PRDM11: variants seen among roughly 807,000 people sequenced by gnomAD.
PRDM11 encodes PR/SET domain 11, also known as PR domain-containing protein 11.
A neutral mutation model predicts 97.8 loss-of-function variants in PRDM11; 20 were observed. That is an observed-to-expected ratio of 0.20 (90% CI 0.14 to 0.30). The LOEUF (loss-of-function observed/expected upper bound fraction) is 0.30. PRDM11 is among the 10% of genes least tolerant of loss of function. PRDM11 has a pLI of 1.00. For synonymous variants in PRDM11, 599 were observed against 637.7 expected (o/e 0.94, Z 0.91); for missense variants, 1,139 against 1,555.2 (o/e 0.73, Z 4.50).
At chr11:45,178,736 G>T (rs1480710405) in intron 1 of PRDM11, among the ~76,000 whole-genome samples, 1 of 152,196 alleles carries the variant, frequency 6.6e-6, no homozygotes, top group Admixed American at 6.5e-5. Context: ...ATTGAAAGAG[G>T]TTCTCACTCT....
At chr11:45,147,395 G>A (rs1314516431) in intron 1 of PRDM11, 1 of 152,222 alleles carries the variant, frequency 6.6e-6, no homozygotes, top group Non-Finnish European at 1.5e-5. Flanking sequence ...GGGGTGCTCG[G>A]GGATGAAGGT....
intron 4 of PRDM11, among the ~76,000 whole-genome samples, chr11:45,202,155 C>T (rs1853352144): frequency 6.6e-6 from 1 of 151,946 alleles, no homozygotes; most frequent in Non-Finnish European, 1.5e-5. Context: ...CTCTTTTTCC[C>T]ATCATTCTTT....
intron 4 of PRDM11, among the ~76,000 whole-genome samples, chr11:45,200,455 G>A (rs1283420795): frequency 6.6e-6 from 1 of 152,228 alleles, no homozygotes; most frequent in Non-Finnish European, 1.5e-5. Flanking sequence ...GTGCTACAAG[G>A]TTGGTTTTTA....
In PRDM11 at chr11:45,232,825, G is replaced by C. The variant is rs1854423614; in HGVS notation, c.*4666G>C. On this transcript the variant is annotated 3_prime_UTR_variant, in exon 8 of 8. Coordinates refer to ENST00000683152, the MANE Select transcript of PRDM11 (RefSeq NM_001384648.1). ...GTGATATTTTTAAGGAGCCTTTCAG[G>C]CAATGTTTGCATGTTAGCCAGAGGG... is the stretch of plus-strand genomic sequence containing the variant. 1 of 152,274 alleles carries C rather than the reference G, an allele frequency of 6.6e-6. No individual in the cohort carries two copies. The highest frequency in any genetic ancestry group is 3.4e-3 in the Middle Eastern group (1 of 296). The allele number at this position is 152,274 out of a possible 1,614,324, so 9.4% of individuals were successfully genotyped here. A position where few individuals can be genotyped will look rare whatever the true frequency, so the allele number is the denominator to read the frequency against.
intron 4 of PRDM11, among the ~76,000 whole-genome samples, chr11:45,196,099 A>G (rs2135774707): frequency 6.6e-6 from 1 of 152,298 alleles, no homozygotes; most frequent in South Asian, 2.1e-4. Context: ...GCTGTTTTCC[A>G]AAGCAGCTGA....
chr11:45,175,042 A>G (rs1446336733), intron 1 of PRDM11, among the ~76,000 whole-genome samples: 1 of 152,192 alleles, frequency 6.6e-6, no homozygotes, highest in Non-Finnish European at 1.5e-5. Context: ...AGAGTTCCCC[A>G]TACACCCTGC....
Position 45,219,430 on chromosome 11 carries a change from A to G in PRDM11, c.555-140A>G, listed in dbSNP as rs1854048556. 2.6e-6 allele frequency: 2 copies of G among 780,860 alleles called. No individual in the cohort carries two copies. The highest frequency in any genetic ancestry group is 4.0e-6 in the Non-Finnish European group (2 of 494,488). 48.4% of individuals were successfully genotyped at this position (780,860 alleles called of 1,614,324 possible). A position where few individuals can be genotyped will look rare whatever the true frequency, so the allele number is the denominator to read the frequency against. The stretch of plus-strand genomic sequence containing the variant: ...CTGGTGCTGCTTCTCCGGACAGGGC[A>G]GCTGCTCTGCTGATGTTCACATGGG... On this transcript the variant is annotated intron_variant, in intron 5 of 7. Coordinates refer to ENST00000683152, the MANE Select transcript of PRDM11 (RefSeq NM_001384648.1). The surrounding 1 kb of genome is among the most constrained non-coding windows in gnomAD (Gnocchi z 4.2).
intron 5 of PRDM11, chr11:45,214,361 T>C (rs1853891579): frequency 6.6e-6 from 1 of 151,318 alleles, no homozygotes; most frequent in African/African-American, 2.4e-5. Flanking sequence ...CCAGCAGAAG[T>C]CCCCCAGCCA....
At chr11:45,210,271 C>G (rs919859512) in intron 5 of PRDM11, among the ~76,000 whole-genome samples, 1 of 152,242 alleles carries the variant, frequency 6.6e-6, no homozygotes, top group Non-Finnish European at 1.5e-5. Flanking sequence ...CCGCTCCCCA[C>G]CCCTCTTCTC....
intron 1 of PRDM11, among the ~76,000 whole-genome samples, chr11:45,125,227 T>C (rs944251024): frequency 4.8e-4 from 73 of 152,246 alleles, no homozygotes; most frequent in African/African-American, 1.7e-3. Flanking sequence ...GATTCTTCTC[T>C]CTTTTCTTCT....
intron 1 of PRDM11, among the ~76,000 whole-genome samples, chr11:45,139,194 C>G (rs574216134): frequency 6.6e-6 from 1 of 152,176 alleles, no homozygotes; most frequent in Admixed American, 6.5e-5. Flanking sequence ...GTCGGGGAAA[C>G]AAGCAGGCTC....
intron 5 of PRDM11, among the ~76,000 whole-genome samples, chr11:45,208,004 G>T (rs1853577111): frequency 6.6e-6 from 1 of 152,214 alleles, no homozygotes; most frequent in East Asian, 1.9e-4. Flanking sequence ...TCCAAAGCCA[G>T]AGCAGGAGCC....
At chr11:45,207,252 C>G (rs1320925415) in intron 5 of PRDM11, among the ~76,000 whole-genome samples, 1 of 152,194 alleles carries the variant, frequency 6.6e-6, no homozygotes, top group Non-Finnish European at 1.5e-5. Context: ...AGATGCTCTC[C>G]TTTGCACTGT....
intron 5 of PRDM11, among the ~76,000 whole-genome samples, chr11:45,207,998 A>C (rs980838191): frequency 2.6e-5 from 4 of 152,184 alleles, no homozygotes; most frequent in Non-Finnish European, 5.9e-5. Context: ...TCAAGTTCCA[A>C]AGCCAGAGCA....
rs1465911853 is a variant in PRDM11, at chr11:45,181,876, G to A, written c.110G>A (p.Gly37Asp). Residue 37 changes from glycine to aspartate, a missense_variant, in exon 2 of 8, where the codon GGC becomes GAC. Physicochemically the swap from Gly to Asp is moderately conservative, Grantham distance 94 (BLOSUM62 -1). Coordinates refer to ENST00000683152, the MANE Select transcript of PRDM11 (RefSeq NM_001384648.1). ...TCACCACTCCGAGACCAGGAGTATG[G>A]CCAGCCCTGGTGAGGCCCCTGTGTG... is the stretch of plus-strand genomic sequence containing the variant. ...VCSPLRDQEY[G>D]QPCSRRPDSS... 6.2e-7 allele frequency: 1 copy of A among 1,612,448 alleles called. No individual in the cohort carries two copies. The highest frequency in any genetic ancestry group is 1.7e-5 in the Admixed American group (1 of 59,978).
chr11:45,148,991 TTTA>T (rs1851594518), intron 1 of PRDM11, among the ~76,000 whole-genome samples: 2 of 152,170 alleles, frequency 1.3e-5, no homozygotes, highest in Admixed American at 1.3e-4. Context: ...CCCACTACTC[TTTA>T]AGGCAGAAGC....
upstream of PRDM11, among the ~76,000 whole-genome samples, chr11:45,095,030 C>T (rs1016928222): frequency 6.5e-4 from 99 of 152,262 alleles, no homozygotes; most frequent in African/African-American, 2.0e-3. Context: ...GGCATGGGGG[C>T]AGGGAACTGG....
At chr11:45,167,072 G>A (rs1012567232) in intron 1 of PRDM11, among the ~76,000 whole-genome samples, 8 of 152,184 alleles carry the variant, frequency 5.3e-5, no homozygotes, top group Admixed American at 3.3e-4. Flanking sequence ...AATGTAGGAA[G>A]GGGGTATAAT....
chr11:45,187,799 CGTGTGTGTGTGTGTGT>C (rs61613469), intron 4 of PRDM11, among the ~76,000 whole-genome samples: 25 of 147,090 alleles, frequency 1.7e-4, no homozygotes, highest in African/African-American at 6.1e-4. Context: ...AAGAAAAGTT[CGTGTGTGTGTGTGTGT>C]GTGTGTGTGT....
Sources: allele counts gnomAD v4.1 joint callset (sites outside exome capture counted in the v4.1 genomes callset), GRCh38; gene constraint gnomAD v4.1.1; non-coding constraint Gnocchi (gnomAD v3.1); transcripts MANE v1.5; gene names NCBI Gene and HGNC (gene_info 2026-07-23, HGNC 2026-07-21).